Variants in ARRB1 observed in about 807,000 individuals in gnomAD.
ARRB1 encodes the protein beta-arrestin-1.
In ARRB1, 21 loss-of-function variants were observed where a neutral mutation model predicts 56.8. The observed-to-expected ratio is 0.37, with a 90% confidence interval of 0.26 to 0.53. ARRB1 has a LOEUF of 0.53. Ranked by LOEUF, ARRB1 falls within the 20% of genes least tolerant of loss-of-function variation. ARRB1 has a pLI of 0.88. For missense variants in ARRB1, 424 were observed against 553.7 expected, an observed-to-expected ratio of 0.77 and a Z score of 2.35; for synonymous variants, 210 against 218.6, an observed-to-expected ratio of 0.96 and a Z score of 0.35.
In ARRB1 at chr11:75,289,390, G is replaced by A. The variant is rs1031899885; in HGVS notation, c.51+619C>T. On this transcript the variant is annotated intron_variant, in intron 2 of 15. Coordinates refer to ENST00000420843, the MANE Select transcript of ARRB1 (RefSeq NM_004041.5). ...TGGGTCCTGCAGCCCCAATGGCCCC[G>A]TATCTCCCCTCTGCCACTTCATGTT... is the stretch of plus-strand genomic sequence containing the variant. Among the ~76,000 whole-genome samples, 5 of 152,270 alleles carry A rather than the reference G, an allele frequency of 3.3e-5. No homozygotes were observed. The South Asian group carries it at 8.3e-4, about 25-fold the overall frequency.
At chr11:75,302,597 C>A (rs781240554) in intron 1 of ARRB1, among the ~76,000 whole-genome samples, 1 of 152,172 alleles carries the variant, frequency 6.6e-6, no homozygotes, top group African/African-American at 2.4e-5. Context: ...GCAGACAGTC[C>A]CTGCCTGAGT....
intron 1 of ARRB1, among the ~76,000 whole-genome samples, chr11:75,296,506 CT>C: frequency 6.6e-6 from 1 of 152,242 alleles, no homozygotes; most frequent in Non-Finnish European, 1.5e-5. Context: ...TGTGGACCAA[CT>C]TTGACACTAA....
At chr11:75,339,414 T>A (rs1947662202) in intron 1 of ARRB1, among the ~76,000 whole-genome samples, 1 of 152,252 alleles carries the variant, frequency 6.6e-6, no homozygotes, top group Non-Finnish European at 1.5e-5. Flanking sequence ...CCTCAAGCAG[T>A]CTGCATTCCC....
At chr11:75,313,013 T>C (rs1315233207) in intron 1 of ARRB1, among the ~76,000 whole-genome samples, 1 of 152,244 alleles carries the variant, frequency 6.6e-6, no homozygotes, top group African/African-American at 2.4e-5. Context: ...ACAGACATTC[T>C]TATTCCCATT....
chr11:75,289,505 C>A (rs494647), intron 2 of ARRB1, among the ~76,000 whole-genome samples: 30,435 of 152,036 alleles, frequency 0.2, 3,187 homozygotes, highest in East Asian at 0.34. Context: ...CTGCCCCTGT[C>A]CCCGCCGGCT....
intron 1 of ARRB1, among the ~76,000 whole-genome samples, chr11:75,320,727 A>G (rs1381652456): frequency 6.6e-6 from 1 of 152,170 alleles, no homozygotes; most frequent in Non-Finnish European, 1.5e-5. Context: ...CACAAACTCA[A>G]AAACATTGTA....
intron 1 of ARRB1, among the ~76,000 whole-genome samples, chr11:75,335,990 A>T (rs1466146163): frequency 6.6e-6 from 1 of 152,090 alleles, no homozygotes. Flanking sequence ...ACTCACAGAT[A>T]CCCTGTGAGA....
intron 1 of ARRB1, among the ~76,000 whole-genome samples, chr11:75,295,203 CAG>C (rs1372890147): frequency 8.9e-6 from 1 of 111,750 alleles, no homozygotes. Flanking sequence ...GCCTGGGTGA[CAG>C]AGTGAAACCC....
chr11:75,321,849 A>AT (rs779227251), intron 1 of ARRB1, among the ~76,000 whole-genome samples: 6 of 152,212 alleles, frequency 3.9e-5, no homozygotes, highest in Non-Finnish European at 8.8e-5. Context: ...CATATGGTGA[A>AT]TAGGGCAGAT....
intron 6 of ARRB1, chr11:75,281,538 T>C (rs1946340994): frequency 6.2e-6 from 2 of 322,334 alleles, no homozygotes; most frequent in East Asian, 1.3e-4. Flanking sequence ...AGGCACGTGC[T>C]GTTATCTCCA....
Position 75,328,960 on chromosome 11 carries a change from G to T in ARRB1, c.20+22628C>A, listed in dbSNP as rs12289875. 3.9e-3 allele frequency among the ~76,000 whole-genome samples: 601 copies of T among 152,262 alleles called. 3 individuals carry two copies. The highest frequency in any genetic ancestry group is 0.014 in the African/African-American group (585 of 41,550). ...GCTGAGAGGGCCGTCAGAAAACACT[G>T]AACTCAGAGCCCTGAAGAGAGTGGG... On this transcript the variant is annotated intron_variant, in intron 1 of 15. Transcript: ENST00000420843.
At position 75,320,653 on chromosome 11, in the gene ARRB1, C is replaced by G. The variant is rs147940139; in HGVS notation, c.21-30614G>C. 2.5e-3 allele frequency among the ~76,000 whole-genome samples: 385 copies of G among 152,332 alleles called. 2 individuals are homozygous for G. The highest frequency in any genetic ancestry group is 8.6e-3 in the African/African-American group (359 of 41,586). ...CTCCGATTCCTCCTTCGAGACCCCA[C>G]TCAAGTACCCAACTCTTCCCAAAGC... is the stretch of plus-strand genomic sequence containing the variant. On this transcript the variant is annotated intron_variant, in intron 1 of 15. Transcript: ENST00000420843.
chr11:75,267,268 G>A (rs1945943572), intron 15 of ARRB1, among the ~76,000 whole-genome samples: 1 of 152,090 alleles, frequency 6.6e-6, no homozygotes, highest in Admixed American at 6.5e-5. Context: ...GAAGCAACAA[G>A]ATCCCCAGTC....
chr11:75,277,576 TGCTGCTCCCATCTGAAGTCCATCA>T, intron 8 of ARRB1, 128 bp from the exon 9 acceptor site: 2 of 791,372 alleles, frequency 2.5e-6, no homozygotes, highest in Non-Finnish European at 4.2e-6. Flanking sequence ...CAGAAGGGTC[TGCTGCTCCCATCTGAAGTCCATCA>T]CATCCCTCAG....
At chr11:75,312,114 T>C in intron 1 of ARRB1, 1 of 1,289,542 alleles carries the variant, frequency 7.8e-7, no homozygotes, top group Non-Finnish European at 1.0e-6. Context: ...CTCCCATCTC[T>C]TGCAGTGGCT....
intron 1 of ARRB1, among the ~76,000 whole-genome samples, chr11:75,309,257 C>T (rs58388154): frequency 0.16 from 24,046 of 152,280 alleles, 2,200 homozygotes; most frequent in African/African-American, 0.24. Context: ...GGGCCCAAGC[C>T]CTGCTCCCTC....
chr11:75,285,364 C>G (rs2140430111), intron 3 of ARRB1, among the ~76,000 whole-genome samples: 1 of 152,338 alleles, frequency 6.6e-6, no homozygotes, highest in South Asian at 2.1e-4. Flanking sequence ...CTGCTCAGCA[C>G]CCCAGGAGGC....
chr11:75,315,927 G>C (rs1458974367), intron 1 of ARRB1, among the ~76,000 whole-genome samples: 1 of 152,200 alleles, frequency 6.6e-6, no homozygotes, highest in Non-Finnish European at 1.5e-5. Flanking sequence ...CCTACTCTAT[G>C]ATATAGCTGG....
At chr11:75,274,561 G>A in intron 10 of ARRB1, 1 of 184,426 alleles carries the variant, frequency 5.4e-6, no homozygotes, top group South Asian at 1.2e-4. Flanking sequence ...GGAGGCCGAG[G>A]CGGGTAGATC....
Sources: allele counts gnomAD v4.1 joint callset (sites outside exome capture counted in the v4.1 genomes callset), GRCh38; gene constraint gnomAD v4.1.1; transcripts MANE v1.5; gene names NCBI Gene and HGNC (gene_info 2026-07-23, HGNC 2026-07-21).